The following SP140 variants were observed in gnomAD, a reference collection of about 807,000 sequenced individuals.
SP140 encodes nuclear body protein SP140.
SP140 carries 81 observed loss-of-function variants against 125.0 expected under a neutral mutation model. The ratio of observed to expected loss-of-function variants is 0.65; its 90% confidence interval spans 0.54 to 0.78. SP140 has a LOEUF of 0.78. Among genes scored for constraint, SP140 ranks in the 30% least tolerant of loss-of-function variants. The pLI, the probability that SP140 is intolerant of heterozygous loss-of-function variation, is 0.00. For missense variants in SP140, 858 were observed against 1,037.0 expected (o/e 0.83, Z 2.37); for synonymous variants, 312 against 354.0 (o/e 0.88, Z 1.33).
intron 21 of SP140, among the ~76,000 whole-genome samples, chr2:230,294,977 G>C (rs974981969): frequency 1.3e-5 from 2 of 152,200 alleles, no homozygotes; most frequent in Non-Finnish European, 2.9e-5. Context: ...TTTTATAGGA[G>C]GGGCTGACCA....
chr2:230,188,244 G>C, the SP140 span, among the ~76,000 whole-genome samples: 1 of 151,852 alleles, frequency 6.6e-6, no homozygotes, highest in African/African-American at 2.4e-5. Flanking sequence ...ATTTTATTTT[G>C]TTGAAGTTGT....
chr2:230,265,801 G>A lies in SP140; in HGVS notation c.1241-3731G>A, dbSNP rs868375162. On this transcript the variant is annotated intron_variant, in intron 12 of 26. Transcript: ENST00000392045. The stretch of plus-strand genomic sequence containing the variant: ...CACTCTCAGTTTTACGGGGGGGGGC[G>A]GTCTCCTGGGTCCTGCAGGTGCAAT... Among the ~76,000 whole-genome samples, 85 of 151,818 alleles carry A rather than the reference G, an allele frequency of 5.6e-4. 1 individual carries two copies. The Middle Eastern group carries it at 0.01, about 18-fold the overall frequency.
chr2:230,187,753 T>C, the SP140 span, among the ~76,000 whole-genome samples: 96 of 152,342 alleles, frequency 6.3e-4, 1 homozygote, highest in East Asian at 0.016. Context: ...TATGGTGTCA[T>C]TTCCCCAATT....
chr2:230,221,326 A>G (rs1028738863), upstream of SP140, among the ~76,000 whole-genome samples: 4 of 152,128 alleles, frequency 2.6e-5, no homozygotes, highest in African/African-American at 4.8e-5. Flanking sequence ...GATTAAATCA[A>G]TAATTCTCAA....
At position 230,288,455 on chromosome 2, in the gene SP140, ATCTTTCTTTCTTTCTTTCTT is replaced by A. The variant is rs34638665; in HGVS notation, c.1720+539_1720+558del. ...AGCAAGAGCATGAATTAGGCCAACT[ATCTTTCTTTCTTTCTTTCTT>A]TCTTTCTTTCTTTCTTTCTTTCTTT... is the stretch of plus-strand genomic sequence containing the variant. On this transcript the variant is annotated intron_variant, in intron 18 of 26. Coordinates refer to ENST00000392045, the MANE Select transcript of SP140 (RefSeq NM_007237.5). 5.2e-3 allele frequency among the ~76,000 whole-genome samples: 646 copies of A among 123,622 alleles called. 5 individuals are homozygous for A. Among genetic ancestry groups the A allele is most frequent in the Middle Eastern group, 0.027 (7 of 258 alleles). 81.1% of individuals were successfully genotyped at this position (123,622 alleles called of 152,430 possible).
At chr2:230,272,728 A>G (rs1354407612) in intron 15 of SP140, among the ~76,000 whole-genome samples, 3 of 152,218 alleles carry the variant, frequency 2.0e-5, no homozygotes, top group Non-Finnish European at 2.9e-5. Flanking sequence ...TCAAGATGGT[A>G]CTGGTACAAG....
chr2:230,304,668 C>T (rs1005598534), intron 22 of SP140, among the ~76,000 whole-genome samples: 2 of 152,168 alleles, frequency 1.3e-5, no homozygotes, highest in African/African-American at 4.8e-5. Context: ...AAAGGACACC[C>T]CATTCAACCA....
intron 20 of SP140, among the ~76,000 whole-genome samples, chr2:230,293,162 AG>A (rs1442373552): frequency 6.6e-6 from 1 of 152,204 alleles, no homozygotes; most frequent in Non-Finnish European, 1.5e-5. Context: ...CCATGGCAAA[AG>A]TAGCTCTGTG....
intron 1 of SP140, among the ~76,000 whole-genome samples, chr2:230,213,503 C>T (rs952377582): frequency 3.3e-5 from 5 of 152,292 alleles, no homozygotes; most frequent in Non-Finnish European, 5.9e-5. Context: ...GCAGAGTCAG[C>T]TTCTGTGCCT....
the SP140 span, among the ~76,000 whole-genome samples, chr2:230,188,512 T>C: frequency 3.3e-5 from 5 of 152,200 alleles, no homozygotes; most frequent in Non-Finnish European, 5.9e-5. Flanking sequence ...GGCTAGGACT[T>C]CTAGTACTAT....
rs114491948 is a variant in SP140 at position 230,264,760 on chromosome 2, C to T, written c.1241-4772C>T. Among the ~76,000 whole-genome samples the T allele has an allele frequency of 5.5e-3, 841 of 152,230 alleles. 5 individuals are homozygous for T. Among genetic ancestry groups the T allele is most frequent in the African/African-American group, 0.019 (809 of 41,522 alleles). On this transcript the variant is annotated intron_variant, in intron 12 of 26. Transcript: ENST00000392045. ...TTGTCTCTTTTCTGGGTCTAGTGAC[C>T]CAGTGAGTCTACCAGGCTCCAGGCT...
At chr2:230,235,868 G>GTTTTTTTTTTTTTTTTTTTTTTTTTTT (rs984054259) in intron 1 of SP140, among the ~76,000 whole-genome samples, 5 of 77,974 alleles carry the variant, frequency 6.4e-5, no homozygotes, top group South Asian at 5.4e-4. Context: ...TCTTGTGACT[G>GTTTTTTTTTTTTTTTTTTTTTTTTTTT]TTTTTTTTTT....
chr2:230,254,098 AAAGTT>A (rs1427031561), intron 11 of SP140, among the ~76,000 whole-genome samples: 5 of 152,218 alleles, frequency 3.3e-5, no homozygotes, highest in Admixed American at 3.3e-4. Context: ...GGCAGAGAGA[AAAGTT>A]AAGAGAAAAT....
intron 12 of SP140, among the ~76,000 whole-genome samples, chr2:230,263,877 G>A (rs1228592289): frequency 6.6e-6 from 1 of 151,986 alleles, no homozygotes; most frequent in African/African-American, 2.4e-5. Flanking sequence ...AGGTTACCTG[G>A]TGCTTCTGTC....
Position 230,241,514 on chromosome 2 carries a change from C to T in SP140, c.490+27C>T, listed in dbSNP as rs140289731. The T allele has an allele frequency of 8.0e-5, 109 of 1,362,174 alleles. No homozygotes were observed. In the African/African-American group the frequency reaches 1.2e-3, roughly 15 times the overall value. 84.4% of individuals were successfully genotyped at this position (1,362,174 alleles called of 1,614,324 possible). A position where few individuals can be genotyped will look rare whatever the true frequency, so the allele number is the denominator to read the frequency against. ...TAACTATCATTTAGCTGATCAATGC[C>T]CTTATTAAAGTTTTGCTTCCTTGCC... On this transcript the variant is annotated intron_variant, in intron 4 of 26. Transcript: ENST00000392045.
intron 1 of SP140, among the ~76,000 whole-genome samples, chr2:230,231,237 A>G (rs56063375): frequency 0.12 from 18,276 of 152,274 alleles, 1,306 homozygotes; most frequent in South Asian, 0.2. Context: ...AAAACTTGAA[A>G]ATCCATCATA....
rs575247467 is a variant in SP140, at chr2:230,244,737, G to A, written c.572-251G>A. ...AAGAGAGGGAATCCCAGGGAGTCAAGGAGATGGACGGTGCTTCATGGCGTA... is the reference window on the plus strand; with the variant it reads ...AAGAGAGGGAATCCCAGGGAGTCAAAGAGATGGACGGTGCTTCATGGCGTA... On this transcript the variant is annotated intron_variant, in intron 5 of 26. Transcript: ENST00000392045. Among the ~76,000 whole-genome samples the A allele has an allele frequency of 2.6e-5, 4 of 152,274 alleles. No individual in the cohort carries two copies. The East Asian group carries it at 7.7e-4, about 29-fold the overall frequency.
upstream of SP140, among the ~76,000 whole-genome samples, chr2:230,200,273 G>GT (rs2043072241): frequency 6.6e-6 from 1 of 152,176 alleles, no homozygotes; most frequent in Non-Finnish European, 1.5e-5. Flanking sequence ...ATATCTAGCT[G>GT]TTTTTTCCCC....
chr2:230,292,420 C>T lies in SP140; in HGVS notation c.1826-226C>T, dbSNP rs370666851. ...TGCTCTTGATGATAACCATCACTCT[C>T]CTCATGGATGAAGGTCAAAGAAATG... On this transcript the variant is annotated intron_variant, in intron 19 of 26. Transcript: ENST00000392045. Among the ~76,000 whole-genome samples the T allele has an allele frequency of 1.4e-4, 22 of 152,330 alleles. No individual in the cohort carries two copies. The South Asian group carries it at 4.3e-3, about 30-fold the overall frequency.
Sources: allele counts gnomAD v4.1 joint callset (sites outside exome capture counted in the v4.1 genomes callset), GRCh38; gene constraint gnomAD v4.1.1; transcripts MANE v1.5; gene names NCBI Gene and HGNC (gene_info 2026-07-23, HGNC 2026-07-21).